Variants in OR2L5 observed in about 807,000 individuals in gnomAD.
The protein encoded by OR2L5 is olfactory receptor family 2 subfamily L member 5.
For synonymous variants in OR2L5, 169 were observed against 142.0 expected (o/e 1.19, Z -1.35); for missense variants, 413 against 381.6 (o/e 1.08, Z -0.69).
At chr1:248,017,672 A>T (rs887246402) in intron 1 of OR2L5, among the ~76,000 whole-genome samples, 12 of 151,864 alleles carry the variant, frequency 7.9e-5, no homozygotes, top group Non-Finnish European at 1.6e-4. Flanking sequence ...GGGTCCAGTG[A>T]TTTTCTTCTG....
rs1341614432 is a variant in OR2L5 at position 248,023,867 on chromosome 1, C to A, written c.*981C>A. ...AAGAGAAAAGCCCTGCATTATACAA[C>A]TTTCCATAATGTAACATTTTTCTAT... On this transcript the variant is annotated 3_prime_UTR_variant, in exon 2 of 2. Coordinates refer to ENST00000355281, the MANE Select transcript of OR2L5 (RefSeq NM_001258284.2). 2 of 152,162 alleles carry A rather than the reference C, an allele frequency of 1.3e-5. No individual in the cohort carries two copies. The highest frequency in any genetic ancestry group is 2.9e-5 in the Non-Finnish European group (2 of 68,030). The allele number at this position is 152,162 out of a possible 1,614,324, so 9.4% of individuals were successfully genotyped here.
In OR2L5 at chr1:248,022,927, C is replaced by T. The variant is rs760316899; in HGVS notation, c.*41C>T. On this transcript the variant is annotated 3_prime_UTR_variant, in exon 2 of 2. Coordinates refer to ENST00000355281, the MANE Select transcript of OR2L5 (RefSeq NM_001258284.2). ...TAGAGTCAAAGCGCTAGGTTCATAT[C>T]AACTCAGCAGTGTACAGCAGTGAAG... 4 of 1,543,020 alleles carry T rather than the reference C, an allele frequency of 2.6e-6. No individual in the cohort carries two copies. The African/African-American group carries it at 5.5e-5, about 21-fold the overall frequency.
At chr1:248,020,144 C>T (rs1375066796) in intron 1 of OR2L5, among the ~76,000 whole-genome samples, 1 of 152,060 alleles carries the variant, frequency 6.6e-6, no homozygotes, top group Non-Finnish European at 1.5e-5. Flanking sequence ...GTTTTGATTA[C>T]CATAGCTTTT....
intron 1 of OR2L5, among the ~76,000 whole-genome samples, chr1:248,017,566 T>G (rs1662228116): frequency 6.6e-6 from 1 of 152,232 alleles, no homozygotes; most frequent in Non-Finnish European, 1.5e-5. Context: ...AGGACAGGCT[T>G]CTGCCTTATT....
chr1:248,015,060 G>A (rs1181091828), intron 1 of OR2L5, among the ~76,000 whole-genome samples: 1 of 152,094 alleles, frequency 6.6e-6, no homozygotes, highest in African/African-American at 2.4e-5. Flanking sequence ...ATGCACTATC[G>A]TGGACCTCAA....
At chr1:248,021,877 C>T (rs1662343174) in intron 1 of OR2L5, 50 bp from the exon 2 acceptor site, 1 of 1,251,842 alleles carries the variant, frequency 8.0e-7, no homozygotes, top group Non-Finnish European at 1.1e-6. Flanking sequence ...GCAACCCCTG[C>T]AGATAATGGG....
At chr1:248,019,008 G>A (rs1041642314) in intron 1 of OR2L5, among the ~76,000 whole-genome samples, 1 of 152,078 alleles carries the variant, frequency 6.6e-6, no homozygotes, top group African/African-American at 2.4e-5. Context: ...AATAGTCCAT[G>A]TATGTACTCA....
At position 248,022,714 on chromosome 1, in the gene OR2L5, A is replaced by C; in HGVS notation, c.767A>C (p.Tyr256Ser). 1.2e-6 allele frequency: 2 copies of C among 1,614,174 alleles called. No homozygotes were observed. Among genetic ancestry groups the C allele is most frequent in the Non-Finnish European group, 1.7e-6 (2 of 1,180,020 alleles). ...VVTFYYAPFAYTYLCPRSLRS... is the reference protein window; with the variant it reads ...VVTFYYAPFASTYLCPRSLRS... ...ACTTTCTACTATGCACCCTTTGCTT[A>C]TACCTATCTATGTCCAAGATCCCTG... is the stretch of plus-strand genomic sequence containing the variant. Residue 256 changes from tyrosine to serine, a missense_variant, in exon 2 of 2, where the codon TAT (tyrosine) becomes TCT (serine). By Grantham distance (144) the Tyr-to-Ser change is moderately radical. Transcript: ENST00000355281.
Position 248,021,917 on chromosome 1 carries a change from C to T in OR2L5, c.-21-10C>T. The T allele has an allele frequency of 6.4e-7, 1 of 1,557,772 alleles. No homozygotes were observed. On this transcript the variant is annotated splice_polypyrimidine_tract_variant and intron_variant, in intron 1 of 1. Coordinates refer to ENST00000355281, the MANE Select transcript of OR2L5 (RefSeq NM_001258284.2). ...TACTGTACTTGACTTACCCTTGTGT[C>T]TCCCTTCAGGAAGGATCGTATGAAT...
At position 248,014,968 on chromosome 1, in the gene OR2L5, T is replaced by C. The variant is rs116116035; in HGVS notation, c.-22+1230T>C. Among the ~76,000 whole-genome samples the C allele has an allele frequency of 9.8e-3, 1,488 of 152,278 alleles. 28 individuals are homozygous for C. Among genetic ancestry groups the C allele is most frequent in the African/African-American group, 0.034 (1,408 of 41,548 alleles). On this transcript the variant is annotated intron_variant, in intron 1 of 1. Transcript: ENST00000355281. ...AAAATAACAGTCAAAGGATACTTCA[T>C]ACTCACTTTCATAATCACTTTCTGT...
Position 248,022,238 on chromosome 1 carries a change from G to A in OR2L5, c.291G>A (p.Gly97=). The change falls in exon 2 of 2, where the codon GGG becomes GGA. Residue 97 remains glycine, a synonymous_variant. Coordinates refer to ENST00000355281, the MANE Select transcript of OR2L5 (RefSeq NM_001258284.2). ...AGTCTATCTCCTTCATTGGGTGTGG[G>A]ATTCAGAGTTTCTTCTTCATGACTT... The part of the protein sequence containing the change: ...GNKSISFIGC[G]IQSFFFMTFA... The A allele has an allele frequency of 6.2e-7, 1 of 1,614,152 alleles. No homozygotes were observed. The highest frequency in any genetic ancestry group is 8.5e-7 in the Non-Finnish European group (1 of 1,180,030).
chr1:248,018,007 T>C (rs1338805452), intron 1 of OR2L5, among the ~76,000 whole-genome samples: 1 of 151,974 alleles, frequency 6.6e-6, no homozygotes, highest in Non-Finnish European at 1.5e-5. Flanking sequence ...TAAAAAAAAT[T>C]AGCCTGGCGT....
rs574046102 is a variant in OR2L5 at position 248,022,731 on chromosome 1, A to G, written c.784A>G (p.Arg262Gly). 1 of 1,614,092 alleles carries G rather than the reference A, an allele frequency of 6.2e-7. No individual in the cohort carries two copies. The highest frequency in any genetic ancestry group is 2.2e-5 in the East Asian group (1 of 44,874). The part of the protein sequence containing the change: ...APFAYTYLCP[R>G]SLRSLTEDKV... ...CTTTGCTTATACCTATCTATGTCCA[A>G]GATCCCTGCGATCTCTGACAGAGGA... is the stretch of plus-strand genomic sequence containing the variant. Residue 262 changes from arginine (R) to glycine (G), a missense_variant, in exon 2 of 2, where the codon AGA (arginine) becomes GGA (glycine). Physicochemically the swap from Arg to Gly is moderately radical, Grantham distance 125. Transcript: ENST00000355281.
At chr1:248,019,440 A>G (rs142091850) in intron 1 of OR2L5, among the ~76,000 whole-genome samples, 1,526 of 152,290 alleles carry the variant, frequency 0.01, 27 homozygotes, top group African/African-American at 0.035. Flanking sequence ...AAGCCTCTCA[A>G]TCATTTTCCA....
chr1:248,022,367 T>G lies in OR2L5; in HGVS notation c.420T>G (p.Tyr140Ter), dbSNP rs1227517980. The change falls in exon 2 of 2, where the codon TAT (tyrosine) becomes TAG (stop). Residue 140 changes from tyrosine to a stop codon, truncating the protein, a stop_gained. Coordinates refer to ENST00000355281, the MANE Select transcript of OR2L5 (RefSeq NM_001258284.2). LOFTEE classifies it low-confidence loss of function (END_TRUNC). ...HYPIRMSKRM[Y>*]VLMITGSWMI... ...CCATCCGTATGAGCAAAAGAATGTA[T>G]GTGCTGATGATAACAGGATCTTGGA... is the stretch of plus-strand genomic sequence containing the variant. The G allele has an allele frequency of 2.5e-6, 4 of 1,614,096 alleles. No individual in the cohort carries two copies. Among genetic ancestry groups the G allele is most frequent in the Non-Finnish European group, 3.4e-6 (4 of 1,180,056 alleles).
chr1:248,023,790 A>G lies in OR2L5; in HGVS notation c.*904A>G, dbSNP rs1159399778. ...CTCCACAAGAGCCCATTCCTGAGAAACGCTTTAGTCTCTGAGGAGAGGAGG... is the reference window on the plus strand; with the variant it reads ...CTCCACAAGAGCCCATTCCTGAGAAGCGCTTTAGTCTCTGAGGAGAGGAGG... On this transcript the variant is annotated 3_prime_UTR_variant, in exon 2 of 2. Transcript: ENST00000355281. The G allele has an allele frequency of 6.6e-6, 1 of 152,184 alleles. No homozygotes were observed. The highest frequency in any genetic ancestry group is 1.5e-5 in the Non-Finnish European group (1 of 68,032). 9.4% of individuals were successfully genotyped at this position (152,184 alleles called of 1,614,324 possible). A position where few individuals can be genotyped will look rare whatever the true frequency, so the allele number is the denominator to read the frequency against.
Position 248,022,245 on chromosome 1 carries a change from AGT to A in OR2L5, c.299_300del (p.Ser100IlefsTer20), listed in dbSNP as rs1337864956. 10 of 1,614,016 alleles carry A rather than the reference AGT, an allele frequency of 6.2e-6. No individual in the cohort carries two copies. Among genetic ancestry groups the A allele is most frequent in the Non-Finnish European group, 7.6e-6 (9 of 1,180,008 alleles). On this transcript the variant is annotated frameshift_variant, in exon 2 of 2. Coordinates refer to ENST00000355281, the MANE Select transcript of OR2L5 (RefSeq NM_001258284.2). LOFTEE classifies it low-confidence loss of function (END_TRUNC). ...CTCCTTCATTGGGTGTGGGATTCAG[AGT>A]TTCTTCTTCATGACTTTTGCAGGTG... is the stretch of plus-strand genomic sequence containing the variant. ...SISFIGCGIQ[S>X]FFFMTFAGAE...
In OR2L5 at chr1:248,022,852, G is replaced by A. The variant is rs747936285; in HGVS notation, c.905G>A (p.Arg302Gln). The A allele has an allele frequency of 2.5e-6, 4 of 1,611,632 alleles. No individual in the cohort carries two copies. The highest frequency in any genetic ancestry group is 2.2e-5 in the East Asian group (1 of 44,872). The change falls in exon 2 of 2, where the codon CGA becomes CAA. Residue 302 changes from arginine (R) to glutamine (Q), a missense_variant. By Grantham distance (43) the Arg-to-Gln change is conservative. Coordinates refer to ENST00000355281, the MANE Select transcript of OR2L5 (RefSeq NM_001258284.2). Reference protein sequence around the residue: ...RNKEVMGALTRVIQNIFSVKM With the variant: ...RNKEVMGALTQVIQNIFSVKM ...AAGGAGGTGATGGGGGCCCTGACAC[G>A]AGTGATTCAGAATATCTTCTCGGTG...
Position 248,021,934 on chromosome 1 carries a change from C to A in OR2L5, c.-14C>A, listed in dbSNP as rs141972552. 2 of 1,596,196 alleles carry A rather than the reference C, an allele frequency of 1.3e-6. No individual in the cohort carries two copies. The highest frequency in any genetic ancestry group is 8.6e-7 in the Non-Finnish European group (1 of 1,166,960). On this transcript the variant is annotated 5_prime_UTR_variant, in exon 2 of 2. Transcript: ENST00000355281. ...CCTTGTGTCTCCCTTCAGGAAGGAT[C>A]GTATGAATGCCCCATGGAAAATTAC... is the stretch of plus-strand genomic sequence containing the variant.
Sources: allele counts gnomAD v4.1 joint callset (sites outside exome capture counted in the v4.1 genomes callset), GRCh38; gene constraint gnomAD v4.1.1; transcripts MANE v1.5; gene names NCBI Gene and HGNC (gene_info 2026-07-23, HGNC 2026-07-21).